Variants in ZEB1 observed in about 807,000 individuals in gnomAD.
ZEB1 encodes zinc finger E-box-binding homeobox 1.
Under a neutral mutation model 84.9 loss-of-function variants are expected in ZEB1, and 21 were observed. That is an observed-to-expected ratio of 0.25 (90% CI 0.18 to 0.36). The LOEUF (loss-of-function observed/expected upper bound fraction) is 0.36. Among genes scored for constraint, ZEB1 ranks in the 10% least tolerant of loss-of-function variants. ZEB1 has a pLI of 1.00. For missense variants in ZEB1, 1,104 were observed against 1,330.2 expected (o/e 0.83, Z 2.65); for synonymous variants, 420 against 471.1 (o/e 0.89, Z 1.41).
intron 1 of ZEB1, among the ~76,000 whole-genome samples, chr10:31,368,645 C>G (rs987535724): frequency 1.3e-5 from 2 of 151,974 alleles, no homozygotes; most frequent in South Asian, 2.1e-4. Context: ...TAATGTAATT[C>G]AAGTAAAACT....
At chr10:31,508,907 A>G (rs796534408) in intron 4 of ZEB1, among the ~76,000 whole-genome samples, 4 of 152,234 alleles carry the variant, frequency 2.6e-5, no homozygotes, top group African/African-American at 9.6e-5. Flanking sequence ...TGCTGAGGAA[A>G]TTAGGGTCGC....
At chr10:31,322,751 CT>C (rs34285204) in intron 1 of ZEB1, among the ~76,000 whole-genome samples, 22,459 of 145,194 alleles carry the variant, frequency 0.15, 3,117 homozygotes, top group African/African-American at 0.38. Flanking sequence ...CTTGTTCTAC[CT>C]TTTTTTTTTT....
chr10:31,392,151 T>C lies in ZEB1; in HGVS notation c.59-68886T>C, dbSNP rs113542885. Among the ~76,000 whole-genome samples, 43 of 152,270 alleles carry C rather than the reference T, an allele frequency of 2.8e-4. 4 individuals are homozygous for C. The highest frequency in any genetic ancestry group is 1.0e-3 in the African/African-American group (43 of 41,580). ...TAATGCTTTCTTCTGTTCTGCCCTTTGAGTGGACTCTACTAGTTAACATTA... is the reference window on the plus strand; with the variant it reads ...TAATGCTTTCTTCTGTTCTGCCCTTCGAGTGGACTCTACTAGTTAACATTA... On this transcript the variant is annotated intron_variant, in intron 1 of 8. Coordinates refer to ENST00000424869, the MANE Select transcript of ZEB1 (RefSeq NM_001174096.2).
chr10:31,318,456 C>G (rs374454971), upstream of ZEB1: 1 of 152,548 alleles, frequency 6.6e-6, no homozygotes, highest in South Asian at 2.0e-4. Flanking sequence ...AGCGGAACTT[C>G]TAGCCTCTCT....
chr10:31,396,235 G>A (rs1044234931), intron 1 of ZEB1, among the ~76,000 whole-genome samples: 1 of 152,158 alleles, frequency 6.6e-6, no homozygotes, highest in African/African-American at 2.4e-5. Flanking sequence ...AATATGTCAT[G>A]TATAATAGTG....
rs186262854 is a variant in ZEB1 at position 31,436,394 on chromosome 10, G to A, written c.59-24643G>A. 4.6e-5 allele frequency among the ~76,000 whole-genome samples: 7 copies of A among 151,672 alleles called. No individual in the cohort carries two copies. The East Asian group carries it at 1.4e-3, about 29-fold the overall frequency. ...TCATTGGGAACCACACTTTTATTCT[G>A]TTTTGTTTTTTTGTAAGGACTTTTT... On this transcript the variant is annotated intron_variant, in intron 1 of 8. Coordinates refer to ENST00000424869, the MANE Select transcript of ZEB1 (RefSeq NM_001174096.2).
intron 1 of ZEB1, 89 bp downstream of exon 1, chr10:31,319,381 T>G (rs1397908367): frequency 3.7e-6 from 5 of 1,354,160 alleles, no homozygotes; most frequent in Non-Finnish European, 5.2e-6. Flanking sequence ...CGAGCCGGGC[T>G]GGGGGCAGCC....
chr10:31,368,391 A>G (rs2044990789), intron 1 of ZEB1, among the ~76,000 whole-genome samples: 1 of 152,192 alleles, frequency 6.6e-6, no homozygotes, highest in South Asian at 2.1e-4. Context: ...TCCTGGGCTC[A>G]AGCGATCCTC....
chr10:31,324,792 CT>C (rs2035089662), intron 1 of ZEB1, among the ~76,000 whole-genome samples: 1 of 151,918 alleles, frequency 6.6e-6, no homozygotes, highest in Admixed American at 6.5e-5. Context: ...TTTTAAACTA[CT>C]TTTTAAAGGG....
chr10:31,471,337 C>T (rs1353416909), intron 2 of ZEB1, among the ~76,000 whole-genome samples: 1 of 141,588 alleles, frequency 7.1e-6, no homozygotes, highest in Non-Finnish European at 1.5e-5. Context: ...TGCAGAGACA[C>T]ACATAGGCTC....
At chr10:31,325,354 C>T (rs1426350481) in intron 1 of ZEB1, among the ~76,000 whole-genome samples, 4 of 151,980 alleles carry the variant, frequency 2.6e-5, no homozygotes, top group African/African-American at 9.7e-5. Context: ...AAACTTTAAG[C>T]TTTTTTCATT....
intron 1 of ZEB1, among the ~76,000 whole-genome samples, chr10:31,409,906 G>T (rs1047956474): frequency 2.0e-5 from 3 of 152,070 alleles, no homozygotes; most frequent in African/African-American, 7.2e-5. Flanking sequence ...AAGGAGATTT[G>T]GGGCTGAGAC....
At chr10:31,446,743 T>G (rs1190633083) in intron 1 of ZEB1, among the ~76,000 whole-genome samples, 1 of 151,840 alleles carries the variant, frequency 6.6e-6, no homozygotes, top group East Asian at 1.9e-4. Flanking sequence ...TTCTTAATCC[T>G]GAGTTCTAGT....
intron 2 of ZEB1, 76 bp downstream of exon 2, chr10:31,461,313 A>G: frequency 6.9e-7 from 1 of 1,439,030 alleles, no homozygotes; most frequent in African/African-American, 1.4e-5. Flanking sequence ...GAAAAGATAA[A>G]TTGGATGAAA....
intron 1 of ZEB1, among the ~76,000 whole-genome samples, chr10:31,427,732 G>A (rs1033278067): frequency 6.6e-5 from 10 of 151,918 alleles, no homozygotes; most frequent in East Asian, 1.9e-4. Flanking sequence ...GGTGGCGGGC[G>A]CCTGTAGTCC....
At chr10:31,452,734 TGTGTGTGTGA>T (rs1398978025) in intron 1 of ZEB1, among the ~76,000 whole-genome samples, 90 of 111,042 alleles carry the variant, frequency 8.1e-4, no homozygotes, top group African/African-American at 3.8e-3. Flanking sequence ...TGTGTGTGTG[TGTGTGTGTGA>T]GAGAGAGAGA....
intron 1 of ZEB1, chr10:31,363,374 G>T: frequency 6.5e-7 from 1 of 1,534,446 alleles, no homozygotes; most frequent in East Asian, 2.4e-5. Flanking sequence ...GCATGCACCT[G>T]GGCCTTGTCA....
chr10:31,403,231 T>G (rs1025060127), intron 1 of ZEB1, among the ~76,000 whole-genome samples: 5 of 152,086 alleles, frequency 3.3e-5, no homozygotes, highest in African/African-American at 1.2e-4. Flanking sequence ...AGTTTCAGAA[T>G]TGTTGTGAGG....
chr10:31,524,253 C>G, intron 8 of ZEB1, 140 bp downstream of exon 8: 3 of 907,520 alleles, frequency 3.3e-6, no homozygotes, highest in Admixed American at 2.7e-5. Context: ...TCTAGTCACC[C>G]AGGCTGGAGT....
Sources: gnomAD v4.1 joint callset for allele counts (sites outside exome capture counted in the v4.1 genomes callset) on GRCh38, gnomAD v4.1.1 for gene constraint, MANE v1.5 for transcripts, NCBI Gene and HGNC (gene_info 2026-07-23, HGNC 2026-07-21) for gene names.